SPATA6L: variants seen among roughly 807,000 people sequenced by gnomAD.
SPATA6L encodes spermatogenesis associated 6 like.
A neutral mutation model predicts 49.2 loss-of-function variants in SPATA6L; 68 were observed. The ratio of observed to expected loss-of-function variants is 1.38; its 90% CI spans 1.14 to 1.69. The LOEUF (loss-of-function observed/expected upper bound fraction) is 1.69, where lower values mean the gene tolerates loss of function less well. Among genes scored for constraint, SPATA6L ranks in the 40% most tolerant of loss-of-function variants. SPATA6L has a pLI of 0.00. For missense variants in SPATA6L, 668 were observed against 464.3 expected (o/e 1.44, Z -4.03); for synonymous variants, 198 against 165.7 (o/e 1.19, Z -1.50).
intron 9 of SPATA6L, among the ~76,000 whole-genome samples, chr9:4,608,990 A>G (rs920642239): frequency 2.0e-5 from 3 of 151,848 alleles, no homozygotes; most frequent in Admixed American, 1.3e-4. Context: ...CAGAAATACA[A>G]ACTACCATCA....
intron 2 of SPATA6L, among the ~76,000 whole-genome samples, chr9:4,657,981 A>T (rs886638571): frequency 6.6e-6 from 1 of 152,150 alleles, no homozygotes; most frequent in Admixed American, 6.5e-5. Context: ...GTACACACAC[A>T]GAGTGAATGC....
chr9:4,650,299 T>G (rs1237267610), intron 3 of SPATA6L, among the ~76,000 whole-genome samples: 1 of 152,228 alleles, frequency 6.6e-6, no homozygotes, highest in Non-Finnish European at 1.5e-5. Context: ...ATCTGTGACC[T>G]TGGTCCTAAT....
chr9:4,654,687 C>T (rs1460815362), intron 3 of SPATA6L, among the ~76,000 whole-genome samples: 1 of 152,168 alleles, frequency 6.6e-6, no homozygotes, highest in Admixed American at 6.5e-5. Flanking sequence ...AGTTGGGCCA[C>T]TCGGCAGCCC....
chr9:4,597,364 ACACACG>A (rs1248571734), downstream of SPATA6L, among the ~76,000 whole-genome samples: 3 of 115,764 alleles, frequency 2.6e-5, no homozygotes, highest in African/African-American at 9.7e-5. Context: ...ACACACACAC[ACACACG>A]GTGGGGCGTG....
chr9:4,615,629 C>T (rs1423901736), intron 9 of SPATA6L, among the ~76,000 whole-genome samples: 2 of 152,198 alleles, frequency 1.3e-5, no homozygotes, highest in Non-Finnish European at 2.9e-5. Context: ...CTCACTCTGT[C>T]TCTCCCCTGC....
At chr9:4,637,802 G>C (rs1833105535) in intron 3 of SPATA6L, among the ~76,000 whole-genome samples, 1 of 152,166 alleles carries the variant, frequency 6.6e-6, no homozygotes, top group Non-Finnish European at 1.5e-5. Context: ...ACTAAAGTAA[G>C]ATAACTTGCT....
intron 2 of SPATA6L, among the ~76,000 whole-genome samples, chr9:4,657,755 C>G (rs1343556937): frequency 6.6e-6 from 1 of 152,114 alleles, no homozygotes; most frequent in Non-Finnish European, 1.5e-5. Context: ...AGTTAGAGAT[C>G]AGCTGGCAGT....
rs779075073 is a variant in SPATA6L at position 4,662,744 on chromosome 9, G to A, written c.40-708C>T. The A allele has an allele frequency of 1.9e-6, 3 of 1,603,432 alleles. No homozygotes were observed. The South Asian group carries it at 3.3e-5, about 18-fold the overall frequency. The stretch of plus-strand genomic sequence containing the variant: ...AGAAGCTGGGGGTGTGCGCGGGAGA[G>A]AGCTCGTCGTGGGGCAGCGTGCGAC... On this transcript the variant is annotated intron_variant, in intron 1 of 11. Transcript: ENST00000682582. This position sits in a 1 kb window ranked among gnomAD's most constrained non-coding sequence, Gnocchi z 4.9.
chr9:4,655,832 T>C (rs1325994016), intron 3 of SPATA6L, among the ~76,000 whole-genome samples: 3 of 152,170 alleles, frequency 2.0e-5, no homozygotes, highest in Admixed American at 6.5e-5. Context: ...ATTACAGATG[T>C]GAGCCACCGT....
In SPATA6L at chr9:4,635,273, A is replaced by C. The variant is rs1170040211; in HGVS notation, c.351+2T>G. ...AAGCCCAGATGAGCATGAATCACTTACTGGAAAACCCAGAGCCGTCTTCAT... is the reference window on the plus strand; with the variant it reads ...AAGCCCAGATGAGCATGAATCACTTCCTGGAAAACCCAGAGCCGTCTTCAT... On this transcript the variant is annotated splice_donor_variant, in intron 4 of 11. Coordinates refer to ENST00000682582, the MANE Select transcript of SPATA6L (RefSeq NM_001353486.2). LOFTEE classifies it high-confidence loss of function. The C allele has an allele frequency of 6.6e-7, 1 of 1,512,456 alleles. No individual in the cohort carries two copies. The highest frequency in any genetic ancestry group is 1.5e-5 in the African/African-American group (1 of 68,282). 93.7% of individuals were successfully genotyped at this position (1,512,456 alleles called of 1,614,324 possible). A position where few individuals can be genotyped will look rare whatever the true frequency, so the allele number is the denominator to read the frequency against.
chr9:4,602,971 C>A (rs1823737555), intron 11 of SPATA6L, among the ~76,000 whole-genome samples: 1 of 152,070 alleles, frequency 6.6e-6, no homozygotes, highest in Non-Finnish European at 1.5e-5. Context: ...GGCCGCATGT[C>A]ATAAGGAAGA....
chr9:4,590,972 T>G (rs577552815), intron 13 of SPATA6L, among the ~76,000 whole-genome samples: 13 of 152,288 alleles, frequency 8.5e-5, no homozygotes, highest in Non-Finnish European at 1.6e-4. Context: ...CTTGAGGGAA[T>G]GCGATGCAGA....
Position 4,662,938 on chromosome 9 carries a change from G to A in SPATA6L, c.40-902C>T. ...GTGGCCTTGATCAAAGGGCTGGTCCGCAGGCGCCGCCCGGCCCACAACCAG... is the reference window on the plus strand; with the variant it reads ...GTGGCCTTGATCAAAGGGCTGGTCCACAGGCGCCGCCCGGCCCACAACCAG... On this transcript the variant is annotated intron_variant, in intron 1 of 11. Coordinates refer to ENST00000682582, the MANE Select transcript of SPATA6L (RefSeq NM_001353486.2). The surrounding 1 kb of genome is among the most constrained non-coding windows in gnomAD (Gnocchi z 4.9). The A allele has an allele frequency of 6.2e-7, 1 of 1,611,292 alleles. No individual in the cohort carries two copies.
intron 3 of SPATA6L, among the ~76,000 whole-genome samples, chr9:4,643,958 G>C (rs1371429579): frequency 6.6e-6 from 1 of 151,804 alleles, no homozygotes; most frequent in Non-Finnish European, 1.5e-5. Flanking sequence ...AGTGAGCTGA[G>C]CTTGCATCAC....
At chr9:4,595,569 T>C (rs986490643), downstream of SPATA6L, among the ~76,000 whole-genome samples, 3 of 152,064 alleles carry the variant, frequency 2.0e-5, no homozygotes, top group Non-Finnish European at 4.4e-5. Flanking sequence ...CCAAAGGACA[T>C]TTCCTCTTCT....
intron 2 of SPATA6L, among the ~76,000 whole-genome samples, chr9:4,658,650 T>C (rs1480033939): frequency 6.6e-6 from 1 of 152,214 alleles, no homozygotes. Context: ...TATCTAGTTG[T>C]GTGCTTCTAC....
intron 9 of SPATA6L, among the ~76,000 whole-genome samples, chr9:4,612,310 C>G (rs1164698487): frequency 6.6e-6 from 1 of 152,156 alleles, no homozygotes; most frequent in Non-Finnish European, 1.5e-5. Context: ...AGGACTTTAT[C>G]TTATATCTCA....
At chr9:4,602,948 G>C (rs1444207877) in intron 11 of SPATA6L, among the ~76,000 whole-genome samples, 1 of 152,152 alleles carries the variant, frequency 6.6e-6, no homozygotes, top group African/African-American at 2.4e-5. Flanking sequence ...ATGTGTACTA[G>C]TCTCAGCACT....
In SPATA6L at chr9:4,606,172, C is replaced by T. The variant is rs1256912707; in HGVS notation, c.996-732G>A. Among the ~76,000 whole-genome samples, 6 of 151,636 alleles carry T rather than the reference C, an allele frequency of 4.0e-5. No homozygotes were observed. The East Asian group carries it at 9.9e-4, about 25-fold the overall frequency. ...TACGCCCACGGAGTCTCGCTGATTGCTAGCACAGCAGTCTGAGATCAAACT... is the reference window on the plus strand; with the variant it reads ...TACGCCCACGGAGTCTCGCTGATTGTTAGCACAGCAGTCTGAGATCAAACT... On this transcript the variant is annotated intron_variant, in intron 9 of 11. Transcript: ENST00000682582.
Sources: allele counts gnomAD v4.1 joint callset (sites outside exome capture counted in the v4.1 genomes callset), GRCh38; gene constraint gnomAD v4.1.1; non-coding constraint Gnocchi (gnomAD v3.1); transcripts MANE v1.5; gene names NCBI Gene and HGNC (gene_info 2026-07-23, HGNC 2026-07-21).